Variants in CXCR2 observed in about 807,000 individuals in gnomAD.
CXCR2 encodes C-X-C motif chemokine receptor 2, also known as C-X-C chemokine receptor type 2.
Under a neutral mutation model 3.7 loss-of-function variants are expected in CXCR2, and 2 were observed. That is an observed-to-expected ratio of 0.55 (90% CI 0.22 to 1.72). CXCR2 has a LOEUF of 1.72. Ranked by LOEUF, CXCR2 falls within the 40% of genes most tolerant of loss-of-function variation. The pLI is 0.19. For synonymous variants in CXCR2, 203 were observed against 193.3 expected (o/e 1.05, Z -0.41); for missense variants, 351 against 450.1 (o/e 0.78, Z 1.99).
At chr2:218,133,989 G>A (rs930346385) in intron 2 of CXCR2, among the ~76,000 whole-genome samples, 3 of 152,208 alleles carry the variant, frequency 2.0e-5, no homozygotes, top group Non-Finnish European at 2.9e-5. Flanking sequence ...AAACTACACA[G>A]ACATTCCCAA....
Position 218,135,398 on chromosome 2 carries a change from C to T in CXCR2, c.597C>T (p.Asp199=). The change falls in exon 3 of 3, where the codon GAC becomes GAT. Residue 199 remains aspartate (D), a synonymous_variant. Coordinates refer to ENST00000318507, the MANE Select transcript of CXCR2 (RefSeq NM_001557.4). This position sits in a 1 kb window ranked among gnomAD's most constrained non-coding sequence, Gnocchi z 4.0. Reference sequence around the variant, plus strand: ...ATGTTAGCCCAGCCTGCTATGAGGACATGGGCAACAATACAGCAAACTGGC... The same window carrying T: ...ATGTTAGCCCAGCCTGCTATGAGGATATGGGCAACAATACAGCAAACTGGC... The part of the protein sequence containing the change: ...SSNVSPACYE[D]MGNNTANWRM... 6.2e-7 allele frequency: 1 copy of T among 1,614,234 alleles called. No individual in the cohort carries two copies. Among genetic ancestry groups the T allele is most frequent in the Non-Finnish European group, 8.5e-7 (1 of 1,180,044 alleles).
chr2:218,128,852 T>C (rs1348069190), intron 1 of CXCR2, among the ~76,000 whole-genome samples: 1 of 152,318 alleles, frequency 6.6e-6, no homozygotes, highest in East Asian at 1.9e-4. Context: ...GCCACCAGAC[T>C]CACCAGAAGC....
chr2:218,131,352 G>C (rs998713671), intron 2 of CXCR2, among the ~76,000 whole-genome samples: 3 of 152,160 alleles, frequency 2.0e-5, no homozygotes, highest in Non-Finnish European at 2.9e-5. Flanking sequence ...TGACCATACT[G>C]GTCCAGCAAG....
chr2:218,131,304 A>G (rs1483840918), intron 2 of CXCR2, among the ~76,000 whole-genome samples: 3 of 152,064 alleles, frequency 2.0e-5, no homozygotes, highest in African/African-American at 7.2e-5. Flanking sequence ...GCTCTCAACC[A>G]TGGGACTGAG....
rs376503094 is a variant in CXCR2, at chr2:218,135,209, A to G, written c.408A>G (p.Leu136=). 5.6e-6 allele frequency: 9 copies of G among 1,614,204 alleles called. No individual in the cohort carries two copies. Among genetic ancestry groups the G allele is most frequent in the Non-Finnish European group, 5.1e-6 (6 of 1,180,032 alleles). ...KEVNFYSGIL[L]LACISVDRYL... ...TCAACTTCTATAGTGGCATCCTGCT[A>G]CTGGCCTGCATCAGTGTGGACCGTT... The change falls in exon 3 of 3, where the codon CTA becomes CTG. Residue 136 remains leucine (L), a synonymous_variant. Coordinates refer to ENST00000318507, the MANE Select transcript of CXCR2 (RefSeq NM_001557.4). This position sits in a 1 kb window ranked among gnomAD's most constrained non-coding sequence, Gnocchi z 4.0.
intron 1 of CXCR2, among the ~76,000 whole-genome samples, chr2:218,128,035 T>A (rs1416630107): frequency 6.6e-6 from 1 of 152,252 alleles, no homozygotes; most frequent in Non-Finnish European, 1.5e-5. Context: ...GTTAACATTG[T>A]ACTTTATGTA....
chr2:218,130,357 T>C lies in CXCR2; in HGVS notation c.-26+992T>C, dbSNP rs372012218. On this transcript the variant is annotated intron_variant, in intron 2 of 2. Transcript: ENST00000318507. ...ATCACTTGAACCCGGGAGGTGGAGG[T>C]TGCAGTGAGCCGAGATCACGCCATT... Among the ~76,000 whole-genome samples, 4 of 151,810 alleles carry C rather than the reference T, an allele frequency of 2.6e-5. 1 individual carries two copies. The highest frequency in any genetic ancestry group is 7.3e-5 in the African/African-American group (3 of 41,344).
chr2:218,128,715 C>T (rs987642505), intron 1 of CXCR2, among the ~76,000 whole-genome samples: 6 of 151,888 alleles, frequency 4.0e-5, no homozygotes, highest in African/African-American at 7.3e-5. Flanking sequence ...GCCAAGTGTG[C>T]GAAACAAGAA....
At chr2:218,129,103 A>T (rs544212469) in intron 1 of CXCR2, among the ~76,000 whole-genome samples, 20 of 152,306 alleles carry the variant, frequency 1.3e-4, no homozygotes, top group African/African-American at 4.8e-4. Flanking sequence ...AAATGGAAAG[A>T]CTAGGTAGAA....
chr2:218,128,334 A>T (rs747650524), intron 1 of CXCR2, among the ~76,000 whole-genome samples: 1 of 152,182 alleles, frequency 6.6e-6, no homozygotes, highest in African/African-American at 2.4e-5. Flanking sequence ...GGACTCAAAG[A>T]TTCTTTCTTT....
In CXCR2 at chr2:218,127,163, G is replaced by C. The variant is rs574872952; in HGVS notation, c.-78+810G>C. On this transcript the variant is annotated intron_variant, in intron 1 of 2. Coordinates refer to ENST00000318507, the MANE Select transcript of CXCR2 (RefSeq NM_001557.4). ...TTTGTTTGAGACAGGGTTTTGCTCTGTCGCCCAGGCTGGAATGCAATGGCA... is the reference window on the plus strand; with the variant it reads ...TTTGTTTGAGACAGGGTTTTGCTCTCTCGCCCAGGCTGGAATGCAATGGCA... Among the ~76,000 whole-genome samples, 65 of 152,096 alleles carry C rather than the reference G, an allele frequency of 4.3e-4. No individual in the cohort carries two copies. The East Asian group carries it at 8.4e-3, about 20-fold the overall frequency.
Position 218,136,991 on chromosome 2 carries a change from G to A in CXCR2, c.*1107G>A, listed in dbSNP as rs954370666. On this transcript the variant is annotated 3_prime_UTR_variant, in exon 3 of 3. Transcript: ENST00000318507. Reference sequence around the variant, plus strand: ...GCACAGGGTTTATGTTTAGGATGTTGAAAAAGTTCTGCAGATAAACAGTAG... The same window carrying A: ...GCACAGGGTTTATGTTTAGGATGTTAAAAAAGTTCTGCAGATAAACAGTAG... 3.0e-5 allele frequency: 5 copies of A among 167,084 alleles called. No homozygotes were observed. The highest frequency in any genetic ancestry group is 1.2e-4 in the African/African-American group (5 of 41,402). The allele number at this position is 167,084 out of a possible 1,614,324, so 10.4% of individuals were successfully genotyped here. A position where few individuals can be genotyped will look rare whatever the true frequency, so the allele number is the denominator to read the frequency against.
At chr2:218,127,839 T>C (rs1690544856) in intron 1 of CXCR2, among the ~76,000 whole-genome samples, 1 of 152,162 alleles carries the variant, frequency 6.6e-6, no homozygotes. Flanking sequence ...TAGAACCTGG[T>C]AGACACTCAA....
chr2:218,134,490 GA>G (rs1690730471), intron 2 of CXCR2, among the ~76,000 whole-genome samples: 1 of 152,190 alleles, frequency 6.6e-6, no homozygotes, highest in Admixed American at 6.5e-5. Flanking sequence ...GTTCTGTGGG[GA>G]TTATCCAAAG....
intron 2 of CXCR2, among the ~76,000 whole-genome samples, chr2:218,132,300 A>T (rs556228907): frequency 1.3e-4 from 20 of 152,310 alleles, no homozygotes; most frequent in Middle Eastern, 6.8e-3. Flanking sequence ...GTCTCTACCA[A>T]TTCTACCCAT....
At chr2:218,127,863 A>G (rs1387743943) in intron 1 of CXCR2, among the ~76,000 whole-genome samples, 1 of 152,208 alleles carries the variant, frequency 6.6e-6, no homozygotes, top group East Asian at 1.9e-4. Flanking sequence ...TACAGCTAAT[A>G]TGACAATTAA....
At chr2:218,126,710 A>G (rs930394343) in intron 1 of CXCR2, among the ~76,000 whole-genome samples, 52 of 152,064 alleles carry the variant, frequency 3.4e-4, no homozygotes, top group Admixed American at 3.1e-3. Flanking sequence ...GTGCTGTGGC[A>G]TGATCTTGGC....
Position 218,135,392 on chromosome 2 carries a change from T to C in CXCR2, c.591T>C (p.Tyr197=), listed in dbSNP as rs940986368. Residue 197 remains tyrosine (Y), a synonymous_variant, in exon 3 of 3, where the codon TAT becomes TAC. Coordinates refer to ENST00000318507, the MANE Select transcript of CXCR2 (RefSeq NM_001557.4). The surrounding 1 kb of genome is among the most constrained non-coding windows in gnomAD (Gnocchi z 4.0). Reference sequence around the variant, plus strand: ...CATCCAATGTTAGCCCAGCCTGCTATGAGGACATGGGCAACAATACAGCAA... The same window carrying C: ...CATCCAATGTTAGCCCAGCCTGCTACGAGGACATGGGCAACAATACAGCAA... ...VYSSNVSPAC[Y]EDMGNNTANW... 9 of 1,614,228 alleles carry C rather than the reference T, an allele frequency of 5.6e-6. No individual in the cohort carries two copies. Among genetic ancestry groups the C allele is most frequent in the Middle Eastern group, 1.6e-4 (1 of 6,062 alleles).
In CXCR2 at chr2:218,136,505, C is replaced by T. The variant is rs1028074902; in HGVS notation, c.*621C>T. The T allele has an allele frequency of 2.4e-5, 4 of 167,214 alleles. No homozygotes were observed. The highest frequency in any genetic ancestry group is 9.7e-5 in the African/African-American group (4 of 41,434). The allele number at this position is 167,214 out of a possible 1,614,324, so 10.4% of individuals were successfully genotyped here. On this transcript the variant is annotated 3_prime_UTR_variant, in exon 3 of 3. Transcript: ENST00000318507. ...GGGGGATTGTAAAATGGTGTGACCACTGCAGAAGACAGTATGGCAGCTTTC... is the reference window on the plus strand; with the variant it reads ...GGGGGATTGTAAAATGGTGTGACCATTGCAGAAGACAGTATGGCAGCTTTC...
Sources: allele counts gnomAD v4.1 joint callset (sites outside exome capture counted in the v4.1 genomes callset), GRCh38; gene constraint gnomAD v4.1.1; non-coding constraint Gnocchi (gnomAD v3.1); transcripts MANE v1.5; gene names NCBI Gene and HGNC (gene_info 2026-07-23, HGNC 2026-07-21).